Variants in GRIK2 observed in about 807,000 individuals in gnomAD.
GRIK2 encodes the protein glutamate ionotropic receptor kainate type subunit 2, also known as glutamate receptor ionotropic, kainate 2.
In GRIK2, 32 loss-of-function variants were observed where a neutral mutation model predicts 100.3. The ratio of observed to expected loss-of-function variants is 0.32; its 90% CI spans 0.24 to 0.43. GRIK2 has a LOEUF of 0.43. Ranked by LOEUF, GRIK2 falls within the 20% of genes least tolerant of loss-of-function variation. The pLI is 1.00. For missense variants in GRIK2, 843 were observed against 1,114.9 expected, an observed-to-expected ratio of 0.76 and a Z score of 3.47; for synonymous variants, 417 against 389.4, an observed-to-expected ratio of 1.07 and a Z score of -0.83.
chr6:101,702,909 G>C (rs958259454), intron 7 of GRIK2, among the ~76,000 whole-genome samples: 11 of 151,902 alleles, frequency 7.2e-5, no homozygotes, highest in African/African-American at 2.7e-4. Context: ...CACACTGATA[G>C]GTTGCCTTTC....
chr6:101,716,888 C>T (rs1774112876), intron 7 of GRIK2, among the ~76,000 whole-genome samples: 1 of 151,810 alleles, frequency 6.6e-6, no homozygotes, highest in East Asian at 1.9e-4. Context: ...CCATCTGGCT[C>T]CTCTTCCAGT....
At chr6:101,781,499 TCAC>T (rs1179136417) in intron 7 of GRIK2, among the ~76,000 whole-genome samples, 4 of 152,202 alleles carry the variant, frequency 2.6e-5, no homozygotes, top group African/African-American at 9.6e-5. Context: ...AAAATTCTAT[TCAC>T]CAGTCACCAT....
chr6:101,525,013 G>A (rs1027246697), intron 2 of GRIK2, among the ~76,000 whole-genome samples: 2 of 152,110 alleles, frequency 1.3e-5, no homozygotes, highest in Non-Finnish European at 2.9e-5. Flanking sequence ...GATTACAGGT[G>A]TGAGCCACCA....
intron 7 of GRIK2, among the ~76,000 whole-genome samples, chr6:101,737,222 G>C (rs1775700000): frequency 1.3e-5 from 2 of 151,986 alleles, no homozygotes; most frequent in African/African-American, 2.4e-5. Context: ...TCCACCCTCT[G>C]TCTGTTACCA....
intron 10 of GRIK2, among the ~76,000 whole-genome samples, chr6:101,838,189 C>G (rs1158292134): frequency 1.3e-5 from 2 of 152,182 alleles, no homozygotes; most frequent in Non-Finnish European, 2.9e-5. Flanking sequence ...CCTTAACTGT[C>G]CATTCTTCAT....
intron 2 of GRIK2, among the ~76,000 whole-genome samples, chr6:101,605,575 T>C (rs1779405106): frequency 6.6e-6 from 1 of 152,032 alleles, no homozygotes; most frequent in African/African-American, 2.4e-5. Flanking sequence ...TTGGATCTGA[T>C]TTTTAAAATC....
intron 2 of GRIK2, among the ~76,000 whole-genome samples, chr6:101,469,189 C>T (rs1771814342): frequency 6.6e-6 from 1 of 152,032 alleles, no homozygotes; most frequent in South Asian, 2.1e-4. Context: ...AATATCAGAG[C>T]TAATATTTTT....
At chr6:101,602,556 G>A (rs1235160394) in intron 2 of GRIK2, among the ~76,000 whole-genome samples, 1 of 149,898 alleles carries the variant, frequency 6.7e-6, no homozygotes, top group Admixed American at 6.7e-5. Flanking sequence ...TGAATGATTA[G>A]TTTTTTTTTA....
Position 101,931,190 on chromosome 6 carries a change from T to A in GRIK2, c.2085+2558T>A, listed in dbSNP as rs9485564. Among the ~76,000 whole-genome samples, 1,371 of 152,116 alleles carry A rather than the reference T, an allele frequency of 9.0e-3. 19 individuals carry two copies. The highest frequency in any genetic ancestry group is 0.031 in the African/African-American group (1,283 of 41,514). ...GTTATTCCAGCTATGGTAAGAAATTTAAAAAAAATTCTAGCAGTCTGGAAT... is the reference window on the plus strand; with the variant it reads ...GTTATTCCAGCTATGGTAAGAAATTAAAAAAAAATTCTAGCAGTCTGGAAT... On this transcript the variant is annotated intron_variant, in intron 14 of 16. Coordinates refer to ENST00000369134, the MANE Select transcript of GRIK2 (RefSeq NM_021956.5).
intron 5 of GRIK2, 49 bp from the exon 6 acceptor site, chr6:101,682,504 A>G (rs1234326576): frequency 3.7e-6 from 3 of 808,476 alleles, no homozygotes; most frequent in Admixed American, 1.9e-5. Flanking sequence ...TTACTGACAT[A>G]CTGTCTTTCC....
chr6:101,989,551 TA>T, intron 14 of GRIK2, among the ~76,000 whole-genome samples: 1 of 8,502 alleles, frequency 1.2e-4, no homozygotes, highest in Non-Finnish European at 3.2e-4. Context: ...GCAGAAAAAT[TA>T]GTTAGTTAAT....
chr6:101,473,621 T>C (rs1772069367), intron 2 of GRIK2, among the ~76,000 whole-genome samples: 1 of 151,876 alleles, frequency 6.6e-6, no homozygotes, highest in Non-Finnish European at 1.5e-5. Context: ...TTTTTCCCAC[T>C]TCTGAGATAG....
intron 14 of GRIK2, among the ~76,000 whole-genome samples, chr6:101,992,742 C>T (rs1017878276): frequency 2.6e-5 from 4 of 151,288 alleles, no homozygotes; most frequent in Non-Finnish European, 5.9e-5. Context: ...TGAGTTTGAA[C>T]TATCTAAACT....
chr6:101,777,006 C>G (rs1778787231), intron 7 of GRIK2, among the ~76,000 whole-genome samples: 1 of 152,208 alleles, frequency 6.6e-6, no homozygotes, highest in South Asian at 2.1e-4. Flanking sequence ...CATCATCGTC[C>G]AACACCTGCC....
intron 9 of GRIK2, 110 bp from the exon 10 acceptor site, chr6:101,818,260 A>G: frequency 1.6e-6 from 1 of 632,896 alleles, no homozygotes; most frequent in Non-Finnish European, 2.8e-6. Context: ...ACGGCAGCAG[A>G]CAATGCAGCA....
At chr6:101,824,688 A>G (rs934923402) in intron 10 of GRIK2, among the ~76,000 whole-genome samples, 1 of 152,208 alleles carries the variant, frequency 6.6e-6, no homozygotes, top group African/African-American at 2.4e-5. Context: ...ATTTATTGTC[A>G]AGGAGATTCC....
intron 14 of GRIK2, among the ~76,000 whole-genome samples, chr6:101,958,027 T>G (rs2128481368): frequency 6.6e-6 from 1 of 152,116 alleles, no homozygotes; most frequent in African/African-American, 2.4e-5. Context: ...GGTTTCATAT[T>G]AATACTATGA....
intron 7 of GRIK2, among the ~76,000 whole-genome samples, chr6:101,743,298 C>T (rs1323653701): frequency 2.0e-5 from 3 of 152,156 alleles, no homozygotes; most frequent in Non-Finnish European, 2.9e-5. Context: ...TAGTTTATAT[C>T]GCTTAGCTAT....
intron 2 of GRIK2, among the ~76,000 whole-genome samples, chr6:101,543,046 C>T (rs188927064): frequency 5.8e-4 from 88 of 152,116 alleles, no homozygotes; most frequent in Middle Eastern, 3.4e-3. Flanking sequence ...CCTGTGTGTG[C>T]TTTTGTAATA....
Sources: allele counts gnomAD v4.1 joint callset (sites outside exome capture counted in the v4.1 genomes callset), GRCh38; gene constraint gnomAD v4.1.1; transcripts MANE v1.5; gene names NCBI Gene and HGNC (gene_info 2026-07-23, HGNC 2026-07-21).